NR5A2: variants seen among roughly 807,000 people sequenced by gnomAD.
The protein encoded by NR5A2 is CYP7A promoter-binding factor.
In NR5A2, 26 loss-of-function variants were observed where a neutral mutation model predicts 62.7. That is an observed-to-expected ratio of 0.41 (90% confidence interval 0.30 to 0.58). NR5A2 has a LOEUF of 0.58. NR5A2 is among the 20% of genes least tolerant of loss of function. The probability of loss-of-function intolerance (pLI) is 0.22; values close to 1 mark genes in which losing one functional copy is unlikely to be tolerated. For missense variants in NR5A2, 541 were observed against 669.1 expected (o/e 0.81, Z 2.11); for synonymous variants, 246 against 241.7 (o/e 1.02, Z -0.16).
At chr1:200,092,087 A>C (rs1664845291) in intron 5 of NR5A2, among the ~76,000 whole-genome samples, 1 of 152,168 alleles carries the variant, frequency 6.6e-6, no homozygotes, top group Non-Finnish European at 1.5e-5. Flanking sequence ...GCACAGTTGT[A>C]TCTCTCTGAA....
chr1:200,064,047 T>C (rs1663352989), intron 5 of NR5A2, among the ~76,000 whole-genome samples: 1 of 150,892 alleles, frequency 6.6e-6, no homozygotes, highest in Admixed American at 6.6e-5. Context: ...AACTCAGGAG[T>C]CTGAGGCAGG....
intron 7 of NR5A2, among the ~76,000 whole-genome samples, chr1:200,143,727 C>T (rs921292851): frequency 6.6e-6 from 1 of 151,384 alleles, no homozygotes; most frequent in South Asian, 2.1e-4. Flanking sequence ...CTGCAACCTC[C>T]GCCTCCCGAG....
At position 200,135,681 on chromosome 1, in the gene NR5A2, A is replaced by G. The variant is rs527727495; in HGVS notation, c.1378+14726A>G. ...TTCTATTGTATCCTTAGGAACGTGT[A>G]TCACCTCACTTTTTTCCATCTGTAA... On this transcript the variant is annotated intron_variant, in intron 7 of 7. Transcript: ENST00000367362. Among the ~76,000 whole-genome samples, 3 of 152,296 alleles carry G rather than the reference A, an allele frequency of 2.0e-5. No homozygotes were observed. The East Asian group carries it at 5.8e-4, about 29-fold the overall frequency.
chr1:200,140,963 G>C (rs1272254913), intron 7 of NR5A2, among the ~76,000 whole-genome samples: 4 of 152,118 alleles, frequency 2.6e-5, no homozygotes, highest in African/African-American at 4.8e-5. Flanking sequence ...CCTGGGAGGT[G>C]GAGGTTGCAG....
intron 7 of NR5A2, among the ~76,000 whole-genome samples, chr1:200,145,522 G>A (rs75942064): frequency 0.025 from 3,683 of 146,406 alleles, 171 homozygotes; most frequent in African/African-American, 0.088. Flanking sequence ...GTGTTATAAA[G>A]GTGACTCAAC....
chr1:200,036,702 G>A (rs911357419), intron 1 of NR5A2, among the ~76,000 whole-genome samples: 3 of 152,150 alleles, frequency 2.0e-5, no homozygotes, highest in Non-Finnish European at 4.4e-5. Context: ...TGCCCCCAGG[G>A]AGCGTTTCCC....
chr1:200,051,234 A>C (rs189657597), intron 5 of NR5A2, among the ~76,000 whole-genome samples: 10 of 152,342 alleles, frequency 6.6e-5, no homozygotes, highest in Non-Finnish European at 2.9e-5. Context: ...GAATAAAAAT[A>C]TATTTTACAA....
At chr1:200,057,347 G>T (rs779517446) in intron 5 of NR5A2, among the ~76,000 whole-genome samples, 6 of 152,088 alleles carry the variant, frequency 3.9e-5, no homozygotes, top group Non-Finnish European at 8.8e-5. Context: ...ACAGTGTATG[G>T]TCATTTGGTC....
chr1:200,140,769 G>A (rs896176855), intron 7 of NR5A2, among the ~76,000 whole-genome samples: 4 of 152,170 alleles, frequency 2.6e-5, no homozygotes, highest in South Asian at 2.1e-4. Context: ...AGTGGCTAAC[G>A]CCTATAATCC....
At chr1:200,156,835 G>C (rs954344977) in intron 7 of NR5A2, among the ~76,000 whole-genome samples, 10 of 152,154 alleles carry the variant, frequency 6.6e-5, no homozygotes, top group Non-Finnish European at 1.3e-4. Context: ...TTTAAGGCAG[G>C]CTAGGCTAAG....
At chr1:200,062,794 G>A (rs1296175196) in intron 5 of NR5A2, among the ~76,000 whole-genome samples, 2 of 152,154 alleles carry the variant, frequency 1.3e-5, no homozygotes, top group East Asian at 3.9e-4. Flanking sequence ...AAAACTCAGA[G>A]GCTTGAAATG....
chr1:200,165,412 A>G (rs1653854630), intron 7 of NR5A2, among the ~76,000 whole-genome samples: 1 of 152,182 alleles, frequency 6.6e-6, no homozygotes, highest in Non-Finnish European at 1.5e-5. Flanking sequence ...TGTACATTCT[A>G]TGGATTTGGA....
chr1:200,039,621 T>C lies in NR5A2; in HGVS notation c.65-37T>C, dbSNP rs780225084. On this transcript the variant is annotated intron_variant, in intron 1 of 7. Coordinates refer to ENST00000367362, the MANE Select transcript of NR5A2 (RefSeq NM_205860.3). This position sits in a 1 kb window ranked among gnomAD's most constrained non-coding sequence, Gnocchi z 5.1. Reference sequence around the variant, plus strand: ...AGGCATCCCGGTCGCCCCTTCCTTCTTTTCGCCGGAGTTGAATCTGTGCTG... The same window carrying C: ...AGGCATCCCGGTCGCCCCTTCCTTCCTTTCGCCGGAGTTGAATCTGTGCTG... 6.2e-7 allele frequency: 1 copy of C among 1,606,608 alleles called. No individual in the cohort carries two copies. The highest frequency in any genetic ancestry group is 2.3e-5 in the East Asian group (1 of 43,802).
At position 200,111,321 on chromosome 1, in the gene NR5A2, A is replaced by G; in HGVS notation, c.1230A>G (p.Gln410=). ...EGSIFLVTGQ[Q]VDYSIIASQA... ...CCATCTTCCTGGTTACTGGGCAACAAGTGAGTGTAGAGACCAAAAAAAAAA... is the reference window on the plus strand; with the variant it reads ...CCATCTTCCTGGTTACTGGGCAACAGGTGAGTGTAGAGACCAAAAAAAAAA... Residue 410 remains glutamine (Q), a splice_region_variant and synonymous_variant, in exon 6 of 8, where the codon CAA becomes CAG. Transcript: ENST00000367362. 1 of 1,581,884 alleles carries G rather than the reference A, an allele frequency of 6.3e-7. No homozygotes were observed. Among genetic ancestry groups the G allele is most frequent in the African/African-American group, 1.4e-5 (1 of 69,272 alleles).
At chr1:200,057,598 C>G (rs1248038466) in intron 5 of NR5A2, 3 of 340,994 alleles carry the variant, frequency 8.8e-6, no homozygotes, top group African/African-American at 6.7e-5. Context: ...CCTGCCTCAG[C>G]CTCCCGAGTA....
chr1:200,169,226 T>C (rs1198620073), intron 7 of NR5A2, among the ~76,000 whole-genome samples: 1 of 151,710 alleles, frequency 6.6e-6, no homozygotes, highest in African/African-American at 2.4e-5. Context: ...TAAAAAAAAA[T>C]CAGACAATAA....
chr1:200,047,224 TC>T (rs1232616579), intron 4 of NR5A2, among the ~76,000 whole-genome samples: 6 of 152,206 alleles, frequency 3.9e-5, no homozygotes, highest in African/African-American at 1.4e-4. Context: ...CGCAGAAGAC[TC>T]TCTTGACAGC....
chr1:200,060,695 A>G (rs1271069800), intron 5 of NR5A2, among the ~76,000 whole-genome samples: 1 of 152,166 alleles, frequency 6.6e-6, no homozygotes, highest in South Asian at 2.1e-4. Context: ...CCTCACCTTT[A>G]ACTTCCTCCT....
intron 7 of NR5A2, among the ~76,000 whole-genome samples, chr1:200,160,838 T>G (rs1256876474): frequency 6.6e-6 from 1 of 151,940 alleles, no homozygotes; most frequent in East Asian, 1.9e-4. Flanking sequence ...TAACGTTGGT[T>G]TATTCATAGT....
Sources: gnomAD v4.1 joint callset for allele counts (sites outside exome capture counted in the v4.1 genomes callset) on GRCh38, gnomAD v4.1.1 for gene constraint, Gnocchi (gnomAD v3.1) non-coding constraint, MANE v1.5 for transcripts, NCBI Gene and HGNC (gene_info 2026-07-23, HGNC 2026-07-21) for gene names.